The following AKT3 variants were observed in gnomAD, a reference collection of about 807,000 sequenced individuals.
AKT3 encodes AKT serine/threonine kinase 3.
A neutral mutation model predicts 65.3 loss-of-function variants in AKT3; 15 were observed. The observed-to-expected ratio is 0.23, with a 90% confidence interval of 0.15 to 0.35. The LOEUF (loss-of-function observed/expected upper bound fraction) is 0.35. Ranked by LOEUF, AKT3 falls within the 10% of genes least tolerant of loss-of-function variation. The probability of loss-of-function intolerance (pLI) is 1.00; values close to 1 mark genes in which losing one functional copy is unlikely to be tolerated. For missense variants in AKT3, 243 were observed against 576.5 expected (o/e 0.42, Z 5.92); for synonymous variants, 206 against 183.8 (o/e 1.12, Z -0.98).
chr1:243,530,738 T>C (rs1003382095), intron 12 of AKT3, among the ~76,000 whole-genome samples: 1 of 152,142 alleles, frequency 6.6e-6, no homozygotes, highest in African/African-American at 2.4e-5. Context: ...CAGGAGTTGG[T>C]TTTTTGAAAG....
At chr1:243,554,566 T>C (rs1354246217) in intron 10 of AKT3, among the ~76,000 whole-genome samples, 1 of 152,224 alleles carries the variant, frequency 6.6e-6, no homozygotes, top group African/African-American at 2.4e-5. Flanking sequence ...AAATGCTGCA[T>C]GTATTATTTT....
chr1:243,637,758 T>TA lies in AKT3; in HGVS notation c.430-17dup, dbSNP rs780927904. ...CATTCATTGTCTGAAAAATACAAAT[T>TA]AAAAAATATAATATGAAGTATTTGA... On this transcript the variant is annotated splice_polypyrimidine_tract_variant and intron_variant, in intron 5 of 13. Transcript: ENST00000673466. 3.9e-5 allele frequency: 57 copies of TA among 1,457,992 alleles called. No individual in the cohort carries two copies. In the African/African-American group the frequency reaches 6.8e-4, roughly 17 times the overall value. 90.3% of individuals were successfully genotyped at this position (1,457,992 alleles called of 1,614,324 possible).
chr1:243,706,662 T>C (rs1026913989), intron 2 of AKT3, among the ~76,000 whole-genome samples: 9 of 152,084 alleles, frequency 5.9e-5, no homozygotes, highest in African/African-American at 2.2e-4. Context: ...CCTTAGACAA[T>C]GTACTGATTG....
intron 2 of AKT3, among the ~76,000 whole-genome samples, chr1:243,817,602 G>C (rs150430646): frequency 6.6e-6 from 1 of 152,184 alleles, no homozygotes; most frequent in Admixed American, 6.5e-5. Context: ...TTAGCCAGGC[G>C]TGGTGGCACA....
intron 2 of AKT3, among the ~76,000 whole-genome samples, chr1:243,771,101 T>C (rs1257818186): frequency 6.6e-6 from 1 of 152,190 alleles, no homozygotes; most frequent in African/African-American, 2.4e-5. Flanking sequence ...AAATGTTGTA[T>C]ATGTAAAATG....
intron 13 of AKT3, among the ~76,000 whole-genome samples, chr1:243,507,486 ATC>A (rs1302123587): frequency 1.3e-5 from 2 of 152,102 alleles, no homozygotes; most frequent in African/African-American, 4.8e-5. Flanking sequence ...AGGCGTGAAC[ATC>A]TGATCATGGC....
intron 2 of AKT3, among the ~76,000 whole-genome samples, chr1:243,704,361 C>G (rs1383950768): frequency 6.6e-6 from 1 of 152,084 alleles, no homozygotes; most frequent in Non-Finnish European, 1.5e-5. Context: ...ATGATACAAG[C>G]ATAGTCCCAG....
chr1:243,497,540 G>A (rs1414970344), downstream of AKT3, among the ~76,000 whole-genome samples: 1 of 152,154 alleles, frequency 6.6e-6, no homozygotes, highest in African/African-American at 2.4e-5. Context: ...CAGGCCCACG[G>A]AATCAGGAGG....
chr1:243,654,958 T>C (rs11589907), intron 4 of AKT3, among the ~76,000 whole-genome samples: 77,572 of 152,026 alleles, frequency 0.51, 23,941 homozygotes, highest in Non-Finnish European at 0.69. Context: ...TTTGAAACTA[T>C]GGTTTGGTAT....
chr1:243,740,053 A>G (rs888820355), intron 2 of AKT3, among the ~76,000 whole-genome samples: 2 of 152,204 alleles, frequency 1.3e-5, no homozygotes, highest in Non-Finnish European at 2.9e-5. Context: ...GCTGCCCAAA[A>G]TAGGCCAAAG....
intron 5 of AKT3, among the ~76,000 whole-genome samples, chr1:243,641,976 T>C (rs1237382618): frequency 6.6e-6 from 1 of 151,956 alleles, no homozygotes; most frequent in Non-Finnish European, 1.5e-5. Context: ...AAAATTGCAA[T>C]TCTTAGGAAC....
rs984225101 is a variant in AKT3, at chr1:243,822,463, C to T, written c.46+20662G>A. 2.9e-5 allele frequency among the ~76,000 whole-genome samples: 4 copies of T among 136,592 alleles called. No homozygotes were observed. In the South Asian group the frequency reaches 9.8e-4, roughly 33 times the overall value. 89.6% of individuals were successfully genotyped at this position (136,592 alleles called of 152,430 possible). On this transcript the variant is annotated intron_variant, in intron 2 of 13. Coordinates refer to ENST00000673466, the MANE Select transcript of AKT3 (RefSeq NM_005465.7). Reference sequence around the variant, plus strand: ...TGAAGGAGAGAGAGACACTAAAAACCCTTCAAAAAAAAAAAAACTAATCCA... The same window carrying T: ...TGAAGGAGAGAGAGACACTAAAAACTCTTCAAAAAAAAAAAAACTAATCCA...
intron 10 of AKT3, among the ~76,000 whole-genome samples, chr1:243,556,351 A>G (rs1360499405): frequency 6.6e-6 from 1 of 152,142 alleles, no homozygotes; most frequent in African/African-American, 2.4e-5. Flanking sequence ...TACCAATTCA[A>G]GTTACTAATG....
chr1:243,835,858 A>G lies in AKT3; in HGVS notation c.46+7267T>C, dbSNP rs116466625. Among the ~76,000 whole-genome samples, 1,332 of 152,226 alleles carry G rather than the reference A, an allele frequency of 8.8e-3. 15 individuals carry two copies. Among genetic ancestry groups the G allele is most frequent in the African/African-American group, 0.03 (1,262 of 41,510 alleles). ...AAAAATAACAGTATGCCTAAGTTCA[A>G]CCACACCAACAATAACATTAACTAT... On this transcript the variant is annotated intron_variant, in intron 2 of 13. Coordinates refer to ENST00000673466, the MANE Select transcript of AKT3 (RefSeq NM_005465.7).
At chr1:243,795,792 G>A (rs1391660672) in intron 2 of AKT3, among the ~76,000 whole-genome samples, 3 of 152,092 alleles carry the variant, frequency 2.0e-5, no homozygotes, top group Non-Finnish European at 4.4e-5. Context: ...TTTAAACCAA[G>A]CAACAATCCA....
intron 2 of AKT3, among the ~76,000 whole-genome samples, chr1:243,777,160 G>A (rs1044178897): frequency 6.6e-6 from 1 of 152,098 alleles, no homozygotes; most frequent in African/African-American, 2.4e-5. Context: ...GGAGACGGGG[G>A]CGGTGGGGAG....
intron 12 of AKT3, among the ~76,000 whole-genome samples, chr1:243,545,184 A>T (rs994115982): frequency 3.9e-5 from 6 of 152,220 alleles, no homozygotes; most frequent in South Asian, 2.1e-4. Flanking sequence ...AGGGCAAATT[A>T]AAAAATTTTA....
intron 8 of AKT3, among the ~76,000 whole-genome samples, chr1:243,591,136 C>G (rs1332902332): frequency 6.6e-6 from 1 of 152,144 alleles, no homozygotes; most frequent in Non-Finnish European, 1.5e-5. Context: ...CTCGAGAGAT[C>G]TACAATGGAT....
chr1:243,615,069 T>G (rs748228093), intron 7 of AKT3, 27 bp downstream of exon 7: 1 of 1,460,878 alleles, frequency 6.8e-7, no homozygotes, highest in Non-Finnish European at 9.5e-7. Flanking sequence ...ATGTTACGAT[T>G]ATAACATCTG....
Sources: gnomAD v4.1 joint callset for allele counts (sites outside exome capture counted in the v4.1 genomes callset) on GRCh38, gnomAD v4.1.1 for gene constraint, MANE v1.5 for transcripts, NCBI Gene and HGNC (gene_info 2026-07-23, HGNC 2026-07-21) for gene names.